The following KHDRBS2 variants were observed in gnomAD, a reference collection of about 807,000 sequenced individuals.
KHDRBS2 encodes KH RNA binding domain containing, signal transduction associated 2, also known as KH domain-containing, RNA-binding, signal transduction-associated protein 2.
KHDRBS2 carries 26 observed loss-of-function variants against 44.3 expected under a neutral mutation model. That is an observed-to-expected ratio of 0.59 (90% confidence interval 0.43 to 0.81). The LOEUF (loss-of-function observed/expected upper bound fraction) is 0.81. Among genes scored for constraint, KHDRBS2 ranks in the 40% least tolerant of loss-of-function variants. The pLI is 0.00. For missense variants in KHDRBS2, 476 were observed against 433.1 expected, an observed-to-expected ratio of 1.10 and a Z score of -0.88; for synonymous variants, 194 against 151.1, an observed-to-expected ratio of 1.28 and a Z score of -2.08.
the KHDRBS2 span, among the ~76,000 whole-genome samples, chr6:61,556,603 CA>C: frequency 1.3e-5 from 2 of 151,600 alleles, no homozygotes; most frequent in Non-Finnish European, 2.9e-5. Context: ...GGAGTTTAGC[CA>C]AAAAAGAACC....
rs529723967 is a variant in KHDRBS2 at position 62,066,828 on chromosome 6, T to A, written c.220-18834A>T. ...GAAACATTTTAAAATAAGTAACTGC[T>A]TTTTTGTCCTGGATGGTATCTAGAT... is the stretch of plus-strand genomic sequence containing the variant. On this transcript the variant is annotated intron_variant, in intron 2 of 8. Coordinates refer to ENST00000281156, the MANE Select transcript of KHDRBS2 (RefSeq NM_152688.4). Among the ~76,000 whole-genome samples the A allele has an allele frequency of 1.4e-4, 21 of 151,738 alleles. No homozygotes were observed. In the South Asian group the frequency reaches 3.7e-3, roughly 27 times the overall value.
intron 6 of KHDRBS2, among the ~76,000 whole-genome samples, chr6:61,771,251 A>T (rs1381969104): frequency 2.0e-5 from 3 of 152,224 alleles, no homozygotes; most frequent in Non-Finnish European, 4.4e-5. Flanking sequence ...CGTAAAGACC[A>T]TCAAGGCTAG....
the KHDRBS2 span, among the ~76,000 whole-genome samples, chr6:61,566,643 T>A: frequency 2.0e-5 from 3 of 152,182 alleles, no homozygotes; most frequent in Admixed American, 2.0e-4. Flanking sequence ...ATGTTAGGTC[T>A]GATCTCTTTC....
At chr6:61,743,806 T>A (rs1196594249) in intron 6 of KHDRBS2, among the ~76,000 whole-genome samples, 3 of 114,744 alleles carry the variant, frequency 2.6e-5, no homozygotes, top group South Asian at 3.4e-4. Flanking sequence ...CAGTCCCCGG[T>A]GTGTGATGTT....
chr6:62,059,793 A>G (rs1791297522), intron 2 of KHDRBS2, among the ~76,000 whole-genome samples: 1 of 151,846 alleles, frequency 6.6e-6, no homozygotes, highest in Admixed American at 6.6e-5. Flanking sequence ...GAAGGATAGC[A>G]TAGGAAAGAA....
chr6:62,108,326 C>G (rs1422876452), intron 2 of KHDRBS2, among the ~76,000 whole-genome samples: 1 of 151,862 alleles, frequency 6.6e-6, no homozygotes, highest in Non-Finnish European at 1.5e-5. Flanking sequence ...TTTATGCAGC[C>G]AAAAAAACAC....
At chr6:61,568,654 A>G in the KHDRBS2 span, among the ~76,000 whole-genome samples, 1 of 152,164 alleles carries the variant, frequency 6.6e-6, no homozygotes, top group African/African-American at 2.4e-5. Flanking sequence ...GAAAATCCAC[A>G]TCACAGGAGA....
intron 3 of KHDRBS2, among the ~76,000 whole-genome samples, chr6:62,021,751 A>C (rs545494529): frequency 7.3e-5 from 11 of 151,674 alleles, no homozygotes; most frequent in Non-Finnish European, 1.2e-4. Flanking sequence ...ACATGATATA[A>C]ATATTAAAGG....
chr6:61,955,687 T>TGC (rs1347331777), intron 4 of KHDRBS2, among the ~76,000 whole-genome samples: 2 of 106,532 alleles, frequency 1.9e-5, no homozygotes, highest in Non-Finnish European at 4.0e-5. Flanking sequence ...TATGTATGTA[T>TGC]ACATATATGT....
rs552445152 is a variant in KHDRBS2, at chr6:61,821,323, A to G, written c.810+73312T>C. 2.6e-5 allele frequency among the ~76,000 whole-genome samples: 4 copies of G among 151,588 alleles called. No individual in the cohort carries two copies. The East Asian group carries it at 5.8e-4, about 22-fold the overall frequency. ...GGAAGTGTAGATTAGGGTTTGCAACATTGCATTTTAGTAAACTTTCAAGAT... is the reference window on the plus strand; with the variant it reads ...GGAAGTGTAGATTAGGGTTTGCAACGTTGCATTTTAGTAAACTTTCAAGAT... On this transcript the variant is annotated intron_variant, in intron 6 of 8. Coordinates refer to ENST00000281156, the MANE Select transcript of KHDRBS2 (RefSeq NM_152688.4).
At chr6:62,175,347 T>C (rs1170493854) in intron 2 of KHDRBS2, among the ~76,000 whole-genome samples, 1 of 151,608 alleles carries the variant, frequency 6.6e-6, no homozygotes, top group African/African-American at 2.4e-5. Context: ...AAAACTATTA[T>C]ATTAAACATC....
In KHDRBS2 at chr6:61,943,709, A is replaced by G. The variant is rs143134620; in HGVS notation, c.483+34357T>C. 1.7e-3 allele frequency among the ~76,000 whole-genome samples: 266 copies of G among 152,322 alleles called. 2 individuals are homozygous for G. The highest frequency in any genetic ancestry group is 6.1e-3 in the African/African-American group (252 of 41,576). On this transcript the variant is annotated intron_variant, in intron 4 of 8. Transcript: ENST00000281156. ...GAAAAGGAAACAATAAATAGTGAAGAGAAAACTTATTGAATGGTAGAAAAT... is the reference window on the plus strand; with the variant it reads ...GAAAAGGAAACAATAAATAGTGAAGGGAAAACTTATTGAATGGTAGAAAAT...
intron 1 of KHDRBS2, among the ~76,000 whole-genome samples, chr6:62,279,932 G>C (rs1841563336): frequency 6.6e-6 from 1 of 152,214 alleles, no homozygotes; most frequent in Admixed American, 6.5e-5. Flanking sequence ...TGTGAAAAGT[G>C]CTGCTAATAT....
rs536008158 is a variant in KHDRBS2 at position 61,850,644 on chromosome 6, G to T, written c.810+43991C>A. 1.5e-3 allele frequency among the ~76,000 whole-genome samples: 221 copies of T among 152,238 alleles called. 1 individual carries two copies. The highest frequency in any genetic ancestry group is 2.4e-3 in the Non-Finnish European group (166 of 67,996). On this transcript the variant is annotated intron_variant, in intron 6 of 8. Transcript: ENST00000281156. ...ACAAAATTTATGTAAAACACACAGAGAATTTTTTCCAATAAAATTTAGTTA... is the reference window on the plus strand; with the variant it reads ...ACAAAATTTATGTAAAACACACAGATAATTTTTTCCAATAAAATTTAGTTA...
chr6:62,175,443 TA>T (rs890784742), intron 2 of KHDRBS2, among the ~76,000 whole-genome samples: 14 of 151,604 alleles, frequency 9.2e-5, no homozygotes, highest in Admixed American at 2.6e-4. Flanking sequence ...GTTAAAAATG[TA>T]ATGGTTCACC....
At position 61,814,418 on chromosome 6, in the gene KHDRBS2, C is replaced by A. The variant is rs148326170; in HGVS notation, c.810+80217G>T. Among the ~76,000 whole-genome samples, 594 of 152,138 alleles carry A rather than the reference C, an allele frequency of 3.9e-3. 1 individual carries two copies. Among genetic ancestry groups the A allele is most frequent in the Non-Finnish European group, 6.1e-3 (416 of 68,004 alleles). On this transcript the variant is annotated intron_variant, in intron 6 of 8. Coordinates refer to ENST00000281156, the MANE Select transcript of KHDRBS2 (RefSeq NM_152688.4). ...GGTCAGGAGATCGAGACCATCCTGG[C>A]TAACATGGTGAAATCCTGTCTCTAC...
the KHDRBS2 span, among the ~76,000 whole-genome samples, chr6:61,565,660 A>T: frequency 6.6e-6 from 1 of 152,096 alleles, no homozygotes; most frequent in Non-Finnish European, 1.5e-5. Context: ...AAAATAATGA[A>T]TGTTGGTGAG....
At chr6:61,761,520 C>T (rs951735043) in intron 6 of KHDRBS2, among the ~76,000 whole-genome samples, 17 of 152,102 alleles carry the variant, frequency 1.1e-4, no homozygotes, top group Admixed American at 2.0e-4. Flanking sequence ...AATGGAATTG[C>T]AGATCATTGC....
chr6:62,076,490 GTAGA>G (rs1057439953), intron 2 of KHDRBS2, among the ~76,000 whole-genome samples: 32 of 152,004 alleles, frequency 2.1e-4, no homozygotes, highest in Admixed American at 5.9e-4. Flanking sequence ...GTGTAAATCA[GTAGA>G]TAATGTTGGT....
Sources: gnomAD v4.1 joint callset for allele counts (sites outside exome capture counted in the v4.1 genomes callset) on GRCh38, gnomAD v4.1.1 for gene constraint, MANE v1.5 for transcripts, NCBI Gene and HGNC (gene_info 2026-07-23, HGNC 2026-07-21) for gene names.